EXD2: variants seen among roughly 807,000 people sequenced by gnomAD.
The protein encoded by EXD2 is exonuclease 3'-5' domain-containing protein 2.
A neutral mutation model predicts 62.5 loss-of-function variants in EXD2; 40 were observed. The ratio of observed to expected loss-of-function variants is 0.64; its 90% CI spans 0.50 to 0.83. EXD2 has a LOEUF of 0.83. Among genes scored for constraint, EXD2 ranks in the 40% least tolerant of loss-of-function variants. The pLI, the probability that EXD2 is intolerant of heterozygous loss-of-function variation, is 0.00. For missense variants in EXD2, 671 were observed against 761.8 expected (o/e 0.88, Z 1.40); for synonymous variants, 239 against 291.9 (o/e 0.82, Z 1.85).
At chr14:69,194,177 C>T (rs998416643) in intron 1 of EXD2, among the ~76,000 whole-genome samples, 3 of 149,054 alleles carry the variant, frequency 2.0e-5, no homozygotes, top group Middle Eastern at 3.4e-3. Context: ...CTCGCTGTGT[C>T]GCCCAGGCTG....
intron 5 of EXD2, among the ~76,000 whole-genome samples, chr14:69,232,096 TC>T (rs1230689895): frequency 6.6e-6 from 1 of 152,080 alleles, no homozygotes; most frequent in African/African-American, 2.4e-5. Context: ...TCTCCCTTAA[TC>T]CCCCTTTCTT....
At chr14:69,232,603 G>A (rs930455581) in intron 5 of EXD2, among the ~76,000 whole-genome samples, 3 of 152,070 alleles carry the variant, frequency 2.0e-5, no homozygotes, top group Admixed American at 6.6e-5. Flanking sequence ...GGTGTGAAGC[G>A]GTATTTCATT....
chr14:69,209,981 G>A (rs2042753259), intron 3 of EXD2, 178 bp downstream of exon 3: 1 of 506,608 alleles, frequency 2.0e-6, no homozygotes. Context: ...CAGGATGGCG[G>A]AGTGCTTACA....
At chr14:69,225,463 G>A (rs1268119954) in intron 3 of EXD2, among the ~76,000 whole-genome samples, 2 of 152,138 alleles carry the variant, frequency 1.3e-5, no homozygotes, top group Admixed American at 6.5e-5. Flanking sequence ...AATTGTATCT[G>A]TAATGATTGT....
Position 69,237,732 on chromosome 14 carries a change from C to T in EXD2, c.1450C>T (p.Pro484Ser). Reference sequence around the variant, plus strand: ...GCAGCTGGCCAAGGAGTTCCAGGCCCCCATCGGCTCTGAGGAGGGCTTGCG... The same window carrying T: ...GCAGCTGGCCAAGGAGTTCCAGGCCTCCATCGGCTCTGAGGAGGGCTTGCG... Reference protein sequence around the residue: ...KQQLAKEFQAPIGSEEGLRLL... With the variant: ...KQQLAKEFQASIGSEEGLRLL... The change falls in exon 9 of 10, where the codon CCC (proline) becomes TCC (serine). Residue 484 changes from proline (P) to serine (S), a missense_variant. By Grantham distance (74) the Pro-to-Ser change is moderately conservative. Transcript: ENST00000685843. 2 of 1,614,034 alleles carry T rather than the reference C, an allele frequency of 1.2e-6. No homozygotes were observed. Among genetic ancestry groups the T allele is most frequent in the Non-Finnish European group, 1.7e-6 (2 of 1,179,952 alleles).
chr14:69,236,234 G>A, intron 7 of EXD2, 82 bp downstream of exon 7: 1 of 1,505,184 alleles, frequency 6.6e-7, no homozygotes. Flanking sequence ...TAAGGAAGAG[G>A]GAGGGATAGA....
In EXD2 at chr14:69,230,653, CTG is replaced by C. The variant is rs528778733; in HGVS notation, c.717+57_717+58del. On this transcript the variant is annotated intron_variant, in intron 5 of 9. Coordinates refer to ENST00000685843, the MANE Select transcript of EXD2 (RefSeq NM_001193360.2). The stretch of plus-strand genomic sequence containing the variant: ...GAAAGTCATTGTTTCTGAAGTATAA[CTG>C]TTTATAAAATTCGAATTCTCAAATA... The C allele has an allele frequency of 4.0e-4, 622 of 1,542,678 alleles. 2 individuals are homozygous for C. Among genetic ancestry groups the C allele is most frequent in the Non-Finnish European group, 2.7e-4 (314 of 1,145,488 alleles).
chr14:69,195,230 AAAG>A lies in EXD2; in HGVS notation c.-132+3641_-132+3643del, dbSNP rs1252055455. Among the ~76,000 whole-genome samples the A allele has an allele frequency of 0.042, 786 of 18,842 alleles. 5 individuals carry two copies. The East Asian group carries it at 0.46, about 11-fold the overall frequency. 12.4% of individuals were successfully genotyped at this position (18,842 alleles called of 152,430 possible). A position where few individuals can be genotyped will look rare whatever the true frequency, so the allele number is the denominator to read the frequency against. On this transcript the variant is annotated intron_variant, in intron 1 of 9. Transcript: ENST00000685843. ...AGACTCTGTCTCAAAAAAAAAAAAA[AAAG>A]AGAGATGAGGTCTCACTCTGTCACT...
In EXD2 at chr14:69,237,875, T is replaced by C. The variant is rs2043852683; in HGVS notation, c.1593T>C (p.Tyr531=). The C allele has an allele frequency of 6.2e-7, 1 of 1,609,224 alleles. No individual in the cohort carries two copies. The highest frequency in any genetic ancestry group is 1.1e-5 in the South Asian group (1 of 90,304). The change falls in exon 9 of 10, where the codon TAT becomes TAC. Residue 531 remains tyrosine, a synonymous_variant. Transcript: ENST00000685843. ...TGCTGCAAGCACTCAGAGAGTTTTA[T>C]AACACAGACGTGGTCACAGAGGAGA... is the stretch of plus-strand genomic sequence containing the variant. ...EELLQALREF[Y]NTDVVTEEML... is the part of the protein sequence containing the mutation.
chr14:69,237,045 C>T (rs2043819482), intron 8 of EXD2, among the ~76,000 whole-genome samples: 1 of 152,264 alleles, frequency 6.6e-6, no homozygotes, highest in Admixed American at 6.5e-5. Context: ...GAGTCACTCA[C>T]TTTCCTCCTT....
intron 8 of EXD2, 47 bp from the exon 9 acceptor site, chr14:69,237,528 T>G: frequency 6.4e-7 from 1 of 1,574,000 alleles, no homozygotes; most frequent in Non-Finnish European, 8.7e-7. Flanking sequence ...TCCCATGTGC[T>G]CTGTCATACA....
intron 6 of EXD2, among the ~76,000 whole-genome samples, chr14:69,235,293 T>C (rs925908476): frequency 6.6e-6 from 1 of 152,230 alleles, no homozygotes; most frequent in African/African-American, 2.4e-5. Context: ...AGTTCTGTCA[T>C]TGACCCTGAT....
rs1252726171 is a variant in EXD2 at position 69,237,658 on chromosome 14, G to A, written c.1376G>A (p.Cys459Tyr). Reference protein sequence around the residue: ...DHNSHDVLLLCTSCHAISNYY... With the variant: ...DHNSHDVLLLYTSCHAISNYY... ...AACTCCCACGATGTGCTGCTGCTCTGCACCTCCTGCCATGCCATTTCCAAC... is the reference window on the plus strand; with the variant it reads ...AACTCCCACGATGTGCTGCTGCTCTACACCTCCTGCCATGCCATTTCCAAC... Residue 459 changes from cysteine to tyrosine, a missense_variant, in exon 9 of 10, where the codon TGC (cysteine) becomes TAC (tyrosine). Cys to Tyr is a radical substitution (Grantham distance 194). Coordinates refer to ENST00000685843, the MANE Select transcript of EXD2 (RefSeq NM_001193360.2). The A allele has an allele frequency of 6.2e-6, 10 of 1,614,068 alleles. No homozygotes were observed. The highest frequency in any genetic ancestry group is 8.5e-6 in the Non-Finnish European group (10 of 1,180,036).
chr14:69,243,095 G>C lies in EXD2; in HGVS notation c.*1995G>C, dbSNP rs992778802. ...GCAAAGTAGAGGAAAAAGCCAGACTGCGTCACACAAGATTTCTCATCCTTT... is the reference window on the plus strand; with the variant it reads ...GCAAAGTAGAGGAAAAAGCCAGACTCCGTCACACAAGATTTCTCATCCTTT... On this transcript the variant is annotated 3_prime_UTR_variant, in exon 10 of 10. Coordinates refer to ENST00000685843, the MANE Select transcript of EXD2 (RefSeq NM_001193360.2). 3 of 152,188 alleles carry C rather than the reference G, an allele frequency of 2.0e-5. No individual in the cohort carries two copies. The highest frequency in any genetic ancestry group is 4.4e-5 in the Non-Finnish European group (3 of 68,038). The allele number at this position is 152,188 out of a possible 1,614,324, so 9.4% of individuals were successfully genotyped here. A position where few individuals can be genotyped will look rare whatever the true frequency, so the allele number is the denominator to read the frequency against.
intron 3 of EXD2, among the ~76,000 whole-genome samples, chr14:69,226,839 G>A (rs1337729245): frequency 2.0e-5 from 3 of 149,472 alleles, no homozygotes; most frequent in East Asian, 2.0e-4. Flanking sequence ...GTGTGATTTT[G>A]GTCACTTCAA....
rs1188241696 is a variant in EXD2, at chr14:69,242,319, T to C, written c.*1219T>C. ...TGGAATTGTGCCCAAGTTGGTGATGTTTACTCTAAAATTAATAATAAAACT... is the reference window on the plus strand; with the variant it reads ...TGGAATTGTGCCCAAGTTGGTGATGCTTACTCTAAAATTAATAATAAAACT... On this transcript the variant is annotated 3_prime_UTR_variant, in exon 10 of 10. Coordinates refer to ENST00000685843, the MANE Select transcript of EXD2 (RefSeq NM_001193360.2). The C allele has an allele frequency of 3.2e-6, 1 of 315,458 alleles. No individual in the cohort carries two copies. The highest frequency in any genetic ancestry group is 5.7e-6 in the Non-Finnish European group (1 of 175,690). 19.5% of individuals were successfully genotyped at this position (315,458 alleles called of 1,614,324 possible).
intron 1 of EXD2, among the ~76,000 whole-genome samples, chr14:69,199,356 G>A (rs2042312182): frequency 6.6e-6 from 1 of 152,194 alleles, no homozygotes; most frequent in Admixed American, 6.5e-5. Context: ...GAATGTGAAG[G>A]CTTAGGACGT....
intron 3 of EXD2, among the ~76,000 whole-genome samples, chr14:69,226,154 T>C (rs948301203): frequency 2.0e-5 from 3 of 152,166 alleles, no homozygotes; most frequent in Admixed American, 2.0e-4. Flanking sequence ...GAAGTAGAGA[T>C]TTATAGCTTT....
chr14:69,219,379 T>C (rs2043094595), intron 3 of EXD2, among the ~76,000 whole-genome samples: 1 of 152,216 alleles, frequency 6.6e-6, no homozygotes, highest in Non-Finnish European at 1.5e-5. Flanking sequence ...CACATTTTCT[T>C]TATCCATTCT....
Sources: allele counts gnomAD v4.1 joint callset (sites outside exome capture counted in the v4.1 genomes callset), GRCh38; gene constraint gnomAD v4.1.1; transcripts MANE v1.5; gene names NCBI Gene and HGNC (gene_info 2026-07-23, HGNC 2026-07-21).